The following TULP4 variants were observed in gnomAD, a reference collection of about 807,000 sequenced individuals.
TULP4 encodes tubby-related protein 4.
TULP4 carries 16 observed loss-of-function variants against 129.0 expected under a neutral mutation model. The observed-to-expected ratio is 0.12, with a 90% confidence interval of 0.08 to 0.19. The LOEUF is 0.19. Among genes scored for constraint, TULP4 ranks in the 10% least tolerant of loss-of-function variants. The probability of loss-of-function intolerance (pLI) is 1.00; values close to 1 mark genes in which losing one functional copy is unlikely to be tolerated. For missense variants in TULP4, 1,842 were observed against 2,059.1 expected (o/e 0.89, Z 2.04); for synonymous variants, 998 against 854.0 (o/e 1.17, Z -2.94).
At chr6:158,297,796 C>A (rs1241082383) in intron 1 of TULP4, among the ~76,000 whole-genome samples, 1 of 152,110 alleles carries the variant, frequency 6.6e-6, no homozygotes. Flanking sequence ...CACGTATTAT[C>A]TTGATAAACA....
intron 1 of TULP4, among the ~76,000 whole-genome samples, chr6:158,369,682 C>G (rs904767687): frequency 3.3e-5 from 5 of 152,162 alleles, no homozygotes; most frequent in African/African-American, 1.2e-4. Context: ...ACAGAACAGA[C>G]AATGCTATCA....
intron 8 of TULP4, among the ~76,000 whole-genome samples, chr6:158,486,406 A>G (rs968909160): frequency 6.6e-6 from 1 of 152,188 alleles, no homozygotes; most frequent in Non-Finnish European, 1.5e-5. Context: ...ATAAAAAATT[A>G]GCCGGGCGTG....
chr6:158,320,770 T>C (rs1562519120), intron 1 of TULP4, among the ~76,000 whole-genome samples: 2 of 152,176 alleles, frequency 1.3e-5, no homozygotes, highest in Non-Finnish European at 2.9e-5. Flanking sequence ...CAGGCAGCTA[T>C]GTGTAGTTGC....
At chr6:158,362,252 C>T (rs1780808814) in intron 1 of TULP4, among the ~76,000 whole-genome samples, 1 of 152,218 alleles carries the variant, frequency 6.6e-6, no homozygotes, top group Admixed American at 6.5e-5. Flanking sequence ...AAACACCAAA[C>T]TTCTTCCAGT....
chr6:158,238,699 C>T (rs1428169666), intron 1 of TULP4, among the ~76,000 whole-genome samples: 3 of 96,498 alleles, frequency 3.1e-5, no homozygotes, highest in Admixed American at 1.2e-4. Context: ...ATCCATTTAA[C>T]CCTGAGTGGA....
intron 1 of TULP4, among the ~76,000 whole-genome samples, chr6:158,377,770 G>C (rs1251624073): frequency 6.6e-6 from 1 of 152,142 alleles, no homozygotes; most frequent in Non-Finnish European, 1.5e-5. Flanking sequence ...ACTGTGCTCA[G>C]AGACTCAAGT....
intron 1 of TULP4, among the ~76,000 whole-genome samples, chr6:158,325,375 CAG>C (rs1268536082): frequency 8.7e-6 from 1 of 114,584 alleles, no homozygotes; most frequent in African/African-American, 3.2e-5. Context: ...TTTTTTCAGA[CAG>C]AGTCTTACTC....
rs1780669317 is a variant in TULP4 at position 158,508,978 on chromosome 6, C to G, written c.*2284C>G. 6.9e-6 allele frequency: 1 copy of G among 145,620 alleles called. No individual in the cohort carries two copies. Among genetic ancestry groups the G allele is most frequent in the African/African-American group, 2.5e-5 (1 of 39,572 alleles). The allele number at this position is 145,620 out of a possible 1,614,324, so 9.0% of individuals were successfully genotyped here. ...TCTCGGCTCCCCACAACCTCTGACT[C>G]CAGGGTTCAGGTGATTATTTTGCCT... On this transcript the variant is annotated 3_prime_UTR_variant, in exon 14 of 14. Transcript: ENST00000367097.
chr6:158,240,410 T>C (rs1777860409), intron 1 of TULP4, among the ~76,000 whole-genome samples: 1 of 56,368 alleles, frequency 1.8e-5, no homozygotes, highest in Admixed American at 1.9e-4. Flanking sequence ...CACTTCCCAG[T>C]AGGGGCGGCC....
chr6:158,481,299 TCA>T lies in TULP4; in HGVS notation c.1486+12_1486+13del, dbSNP rs780258015. ...ACAGATAGCAAACCAGGTGGGCCCC[TCA>T]CCCGAGGGACTGGGACCTTGTTCTC... On this transcript the variant is annotated intron_variant, in intron 8 of 13. Coordinates refer to ENST00000367097, the MANE Select transcript of TULP4 (RefSeq NM_020245.5). 2 of 1,608,734 alleles carry T rather than the reference TCA, an allele frequency of 1.2e-6. No homozygotes were observed. The highest frequency in any genetic ancestry group is 1.7e-6 in the Non-Finnish European group (2 of 1,177,424).
intron 1 of TULP4, among the ~76,000 whole-genome samples, chr6:158,345,749 A>T (rs1780290798): frequency 6.6e-6 from 1 of 152,236 alleles, no homozygotes; most frequent in African/African-American, 2.4e-5. Flanking sequence ...GTCTTGATAA[A>T]CATCTTAACA....
intron 1 of TULP4, among the ~76,000 whole-genome samples, chr6:158,408,115 G>T (rs1778007276): frequency 6.6e-6 from 1 of 152,166 alleles, no homozygotes; most frequent in Non-Finnish European, 1.5e-5. Context: ...AAGCTACAAA[G>T]TTCTCAGTCT....
chr6:158,232,564 G>C (rs1483606240), intron 1 of TULP4, among the ~76,000 whole-genome samples: 3 of 151,964 alleles, frequency 2.0e-5, no homozygotes, highest in African/African-American at 4.8e-5. Context: ...GTCTCCGCGT[G>C]TGAGAAAATG....
rs146686395 is a variant in TULP4, at chr6:158,319,991, A to G, written c.252+5723A>G. 2.2e-3 allele frequency among the ~76,000 whole-genome samples: 332 copies of G among 152,360 alleles called. 8 individuals carry two copies. Among genetic ancestry groups the G allele is most frequent in the Admixed American group, 0.02 (302 of 15,312 alleles). The stretch of plus-strand genomic sequence containing the variant: ...TTCATAAAAAAGAACCACTACCACA[A>G]AAAATGAATGATCAGCCAAACCAAC... On this transcript the variant is annotated intron_variant, in intron 1 of 13. Transcript: ENST00000367097.
rs779470176 is a variant in TULP4 at position 158,503,325 on chromosome 6, A to G, written c.3662A>G (p.Gln1221Arg). Residue 1221 changes from glutamine (Q) to arginine (R), a missense_variant, in exon 13 of 14, where the codon CAG (glutamine) becomes CGG (arginine). Gln to Arg is a conservative substitution (Grantham distance 43, BLOSUM62 1). Transcript: ENST00000367097. The surrounding 1 kb of genome is among the most constrained non-coding windows in gnomAD (Gnocchi z 4.3). Reference protein sequence around the residue: ...DALSPTQFAQQEPAVVLQPLY... With the variant: ...DALSPTQFAQREPAVVLQPLY... ...CTGTCCCCAACGCAGTTTGCACAAC[A>G]GGAGCCTGCTGTGGTCCTTCAGCCG... The G allele has an allele frequency of 2.5e-6, 4 of 1,613,592 alleles. No individual in the cohort carries two copies. Among genetic ancestry groups the G allele is most frequent in the Non-Finnish European group, 3.4e-6 (4 of 1,179,952 alleles).
intron 1 of TULP4, among the ~76,000 whole-genome samples, chr6:158,349,064 G>GGCT (rs766812922): frequency 2.8e-4 from 3 of 10,682 alleles, no homozygotes; most frequent in East Asian, 5.6e-3. Flanking sequence ...CAGACGGGGC[G>GGCT]GCCAGGCAGA....
intron 3 of TULP4, among the ~76,000 whole-genome samples, chr6:158,442,040 C>G (rs1246948530): frequency 1.3e-5 from 2 of 152,138 alleles, no homozygotes; most frequent in Non-Finnish European, 2.9e-5. Context: ...ACTGCCTATG[C>G]CTCCCTCCTC....
rs202167650 is a variant in TULP4, at chr6:158,388,330, T to TC, written c.253-24735_253-24734insC. On this transcript the variant is annotated intron_variant, in intron 1 of 13. Coordinates refer to ENST00000367097, the MANE Select transcript of TULP4 (RefSeq NM_020245.5). ...ATAATCTGCTCGTTTTTCTTTTTTTTTTTTTTTTTTTTTTTTTGAGACGGA... is the reference window on the plus strand; with the variant it reads ...ATAATCTGCTCGTTTTTCTTTTTTTTCTTTTTTTTTTTTTTTTTGAGACGGA... Among the ~76,000 whole-genome samples the TC allele has an allele frequency of 2.0e-4, 25 of 127,848 alleles. 1 individual carries two copies. The highest frequency in any genetic ancestry group is 5.5e-4 in the South Asian group (2 of 3,660). 83.9% of individuals were successfully genotyped at this position (127,848 alleles called of 152,430 possible).
chr6:158,320,902 T>A (rs1341012337), intron 1 of TULP4, among the ~76,000 whole-genome samples: 2 of 152,246 alleles, frequency 1.3e-5, no homozygotes, highest in Non-Finnish European at 2.9e-5. Context: ...TGTTGTACAC[T>A]TAACAGACTT....
Sources: allele counts gnomAD v4.1 joint callset (sites outside exome capture counted in the v4.1 genomes callset), GRCh38; gene constraint gnomAD v4.1.1; non-coding constraint Gnocchi (gnomAD v3.1); transcripts MANE v1.5; gene names NCBI Gene and HGNC (gene_info 2026-07-23, HGNC 2026-07-21).